The following SELENOF variants were observed in gnomAD, a reference collection of about 807,000 sequenced individuals.
SELENOF encodes the protein selenoprotein F, also known as 15 kDa selenoprotein.
A neutral mutation model predicts 20.5 loss-of-function variants in SELENOF; 16 were observed. That is an observed-to-expected ratio of 0.78 (90% CI 0.53 to 1.19). SELENOF has a LOEUF of 1.19. SELENOF is among the 50% of genes most tolerant of loss of function. SELENOF has a pLI of 0.00. For missense variants in SELENOF, 215 were observed against 194.2 expected (o/e 1.11, Z -0.64); for synonymous variants, 78 against 74.5 (o/e 1.05, Z -0.24).
intron 1 of SELENOF, 127 bp downstream of exon 1, chr1:86,913,901 G>A: frequency 1.2e-6 from 1 of 840,936 alleles, no homozygotes; most frequent in Non-Finnish European, 2.0e-6. Context: ...TTGCATTCTG[G>A]CCGCAGCAGT....
At position 86,893,632 on chromosome 1, in the gene SELENOF, TAAAC is replaced by T. The variant is rs565111925; in HGVS notation, c.252+9645_252+9648del. On this transcript the variant is annotated intron_variant, in intron 2 of 4. Coordinates refer to ENST00000331835, the MANE Select transcript of SELENOF (RefSeq NM_004261.5). Reference sequence around the variant, plus strand: ...ACTGTCTCATAAATAAATAAATAAATAAACAAACAAATAAATAGAAAATTAAACT... The same window carrying T: ...ACTGTCTCATAAATAAATAAATAAATAAACAAATAAATAGAAAATTAAACT... Among the ~76,000 whole-genome samples the T allele has an allele frequency of 2.7e-3, 412 of 151,442 alleles. 4 individuals are homozygous for T. The highest frequency in any genetic ancestry group is 0.01 in the Middle Eastern group (3 of 294).
At chr1:86,864,811 T>C (rs573466380) in intron 4 of SELENOF, among the ~76,000 whole-genome samples, 6 of 152,076 alleles carry the variant, frequency 3.9e-5, no homozygotes, top group African/African-American at 1.4e-4. Context: ...ATTTTGTATT[T>C]TTAGTAGAGA....
At chr1:86,875,344 A>C (rs1337452391) in intron 3 of SELENOF, among the ~76,000 whole-genome samples, 1 of 152,206 alleles carries the variant, frequency 6.6e-6, no homozygotes, top group Non-Finnish European at 1.5e-5. Flanking sequence ...TTGAAAACAG[A>C]GAAGGGCAAC....
rs118023008 is a variant in SELENOF, at chr1:86,901,052, T to C, written c.252+2229A>G. On this transcript the variant is annotated intron_variant, in intron 2 of 4. Coordinates refer to ENST00000331835, the MANE Select transcript of SELENOF (RefSeq NM_004261.5). ...GTACTATAGGCGTAAACCACCACAC[T>C]TGGCTAATTTTTGTATTTTTTGTAG... is the stretch of plus-strand genomic sequence containing the variant. Among the ~76,000 whole-genome samples the C allele has an allele frequency of 3.6e-3, 551 of 152,156 alleles. 11 individuals carry two copies. In the East Asian group the frequency reaches 0.058, roughly 16 times the overall value.
At chr1:86,909,277 T>C (rs1659914263) in intron 1 of SELENOF, among the ~76,000 whole-genome samples, 1 of 152,258 alleles carries the variant, frequency 6.6e-6, no homozygotes, top group South Asian at 2.1e-4. Context: ...CTTTTCATTT[T>C]CAAGGTTTTT....
intron 2 of SELENOF, among the ~76,000 whole-genome samples, chr1:86,888,551 G>A (rs1659288761): frequency 6.6e-6 from 1 of 152,162 alleles, no homozygotes; most frequent in African/African-American, 2.4e-5. Flanking sequence ...TAGGATTACA[G>A]GTGTGAGCCA....
Position 86,866,927 on chromosome 1 carries a change from T to C in SELENOF, c.366+1126A>G, listed in dbSNP as rs147753255. ...TCTTACAAAGTTAAACAATCTTAAC[T>C]GTATGACCCAGCAATTGCACTCAGT... On this transcript the variant is annotated intron_variant, in intron 4 of 4. Coordinates refer to ENST00000331835, the MANE Select transcript of SELENOF (RefSeq NM_004261.5). Among the ~76,000 whole-genome samples the C allele has an allele frequency of 3.9e-4, 59 of 152,338 alleles. No homozygotes were observed. In the East Asian group the frequency reaches 0.011, roughly 28 times the overall value.
chr1:86,881,101 C>T (rs192105809), intron 2 of SELENOF, among the ~76,000 whole-genome samples: 17 of 152,178 alleles, frequency 1.1e-4, no homozygotes, highest in Admixed American at 2.0e-4. Context: ...TATATATCAT[C>T]TATCCAAGAT....
chr1:86,878,617 G>A (rs989230789), intron 3 of SELENOF, among the ~76,000 whole-genome samples: 2 of 152,252 alleles, frequency 1.3e-5, no homozygotes, highest in African/African-American at 4.8e-5. Context: ...GGGAGGCAGA[G>A]GTTGCGGTGA....
intron 1 of SELENOF, among the ~76,000 whole-genome samples, chr1:86,906,846 C>T (rs115956175): frequency 2.1e-4 from 32 of 152,252 alleles, no homozygotes; most frequent in Non-Finnish European, 4.1e-4. Flanking sequence ...AATTGTTTTA[C>T]GTCACTAAAT....
chr1:86,876,296 G>A (rs1658922762), intron 3 of SELENOF, among the ~76,000 whole-genome samples: 1 of 152,088 alleles, frequency 6.6e-6, no homozygotes, highest in Non-Finnish European at 1.5e-5. Context: ...TTATGCCTTT[G>A]CCTGATCATA....
chr1:86,864,340 G>T (rs1236519527), intron 4 of SELENOF, among the ~76,000 whole-genome samples: 2 of 152,226 alleles, frequency 1.3e-5, no homozygotes, highest in African/African-American at 4.8e-5. Flanking sequence ...CTGGGTAAAT[G>T]TGACAACAGC....
chr1:86,893,590 C>G (rs954386706), intron 2 of SELENOF, among the ~76,000 whole-genome samples: 1 of 151,904 alleles, frequency 6.6e-6, no homozygotes, highest in Non-Finnish European at 1.5e-5. Context: ...TGTACTCCAG[C>G]CTGGTGACAG....
chr1:86,911,783 T>A (rs1483448488), intron 1 of SELENOF, among the ~76,000 whole-genome samples: 2 of 140,698 alleles, frequency 1.4e-5, no homozygotes, highest in African/African-American at 5.9e-5. Context: ...TTAAAATGAC[T>A]ATTTTTTTTT....
At chr1:86,887,279 G>A (rs1659244996) in intron 2 of SELENOF, 1 of 1,421,564 alleles carries the variant, frequency 7.0e-7, no homozygotes, top group East Asian at 2.7e-5. Context: ...CTATATCTGA[G>A]ATTAAATTAC....
In SELENOF at chr1:86,880,740, A is replaced by C. The variant is rs1659046491; in HGVS notation, c.253-15T>G. On this transcript the variant is annotated splice_polypyrimidine_tract_variant and intron_variant, in intron 2 of 4. Transcript: ENST00000331835. ...CCTGCATACAGCTACAAAAGGAAAAACAGGAATTTAAAAAACTGGTATAAA... is the reference window on the plus strand; with the variant it reads ...CCTGCATACAGCTACAAAAGGAAAACCAGGAATTTAAAAAACTGGTATAAA... 4 of 1,523,928 alleles carry C rather than the reference A, an allele frequency of 2.6e-6. No individual in the cohort carries two copies. The highest frequency in any genetic ancestry group is 1.8e-6 in the Non-Finnish European group (2 of 1,132,348). The allele number at this position is 1,523,928 out of a possible 1,614,324, so 94.4% of individuals were successfully genotyped here.
chr1:86,868,435 T>C (rs976187246), intron 3 of SELENOF, among the ~76,000 whole-genome samples: 1 of 152,192 alleles, frequency 6.6e-6, no homozygotes, highest in African/African-American at 2.4e-5. Flanking sequence ...ATTTGTTCCA[T>C]TGTTATTAAT....
At chr1:86,887,702 C>G (rs192420344) in intron 2 of SELENOF, among the ~76,000 whole-genome samples, 91 of 152,014 alleles carry the variant, frequency 6.0e-4, no homozygotes, top group African/African-American at 2.1e-3. Flanking sequence ...CTATATACAC[C>G]TATAGAATTT....
chr1:86,873,868 A>T (rs898120687), intron 3 of SELENOF, among the ~76,000 whole-genome samples: 71 of 152,192 alleles, frequency 4.7e-4, no homozygotes, highest in African/African-American at 1.7e-3. Flanking sequence ...AAAAAAAAAA[A>T]AAATTATTTA....
Sources: allele counts gnomAD v4.1 joint callset (sites outside exome capture counted in the v4.1 genomes callset), GRCh38; gene constraint gnomAD v4.1.1; transcripts MANE v1.5; gene names NCBI Gene and HGNC (gene_info 2026-07-23, HGNC 2026-07-21).